The following PCLO variants were observed in gnomAD, a reference collection of about 807,000 sequenced individuals.
PCLO encodes the protein protein piccolo.
Under a neutral mutation model 427.5 loss-of-function variants are expected in PCLO, and 82 were observed. The observed-to-expected ratio is 0.19, with a 90% CI of 0.16 to 0.23. The LOEUF is 0.23. PCLO is among the 10% of genes least tolerant of loss of function. The probability of loss-of-function intolerance (pLI) is 1.00; values close to 1 mark genes in which losing one functional copy is unlikely to be tolerated. For synonymous variants in PCLO, 2,357 were observed against 2,155.4 expected (o/e 1.09, Z -2.59); for missense variants, 6,239 against 6,115.9 (o/e 1.02, Z -0.67).
intron 10 of PCLO, among the ~76,000 whole-genome samples, chr7:82,874,246 T>C (rs114448963): frequency 0.012 from 1,753 of 151,808 alleles, 39 homozygotes; most frequent in African/African-American, 0.039. Context: ...CTGGACACAG[T>C]ATAAAGGAAA....
chr7:82,939,966 A>T (rs1338738754), intron 6 of PCLO, among the ~76,000 whole-genome samples: 1 of 152,084 alleles, frequency 6.6e-6, no homozygotes, highest in African/African-American at 2.4e-5. Context: ...AGGACAAGAA[A>T]TACTTTATGC....
At position 83,162,408 on chromosome 7, in the gene PCLO, C is replaced by A; in HGVS notation, c.185G>T (p.Arg62Met). ...GCTTCCCTTGGGCAGCCCCTGCGCC[C>A]TTGACATGACAGCGGCGATCTGTCT... ...ERRQIAAVMS[R>M]AQGLPKGSVP... The change falls in exon 1 of 25, where the codon AGG becomes ATG. Residue 62 changes from arginine to methionine, a missense_variant. By Grantham distance (91) the Arg-to-Met change is moderately conservative. Around this residue, in one of 5 missense-constraint regions of PCLO, gnomAD observed 4,677 missense variants for 4,468.4 expected, o/e 1.05. Coordinates refer to ENST00000333891, the MANE Select transcript of PCLO (RefSeq NM_033026.6). 6.3e-7 allele frequency: 1 copy of A among 1,598,478 alleles called. No homozygotes were observed. The highest frequency in any genetic ancestry group is 1.1e-5 in the South Asian group (1 of 88,340).
rs1321519169 is a variant in PCLO, at chr7:82,950,976, G to C, written c.9612C>G (p.Val3204=). 1.2e-6 allele frequency: 2 copies of C among 1,613,492 alleles called. No individual in the cohort carries two copies. The highest frequency in any genetic ancestry group is 1.7e-6 in the Non-Finnish European group (2 of 1,179,866). The change falls in exon 6 of 25, where the codon GTC becomes GTG. Residue 3204 remains valine (V), a synonymous_variant. Transcript: ENST00000333891. ...VVGDESALLI[V]PEEDKQQQQL... Reference sequence around the variant, plus strand: ...GCTGCTGTTGTTTATCTTCTTCAGGGACAATTAAAAGAGCACTTTCATCTC... The same window carrying C: ...GCTGCTGTTGTTTATCTTCTTCAGGCACAATTAAAAGAGCACTTTCATCTC...
At chr7:83,157,302 GATT>G (rs1792326268) in intron 1 of PCLO, among the ~76,000 whole-genome samples, 2 of 152,024 alleles carry the variant, frequency 1.3e-5, no homozygotes, top group Admixed American at 6.6e-5. Flanking sequence ...AAAAATAACT[GATT>G]ATTAACCCAA....
chr7:83,034,963 C>T (rs1306867785), intron 3 of PCLO, among the ~76,000 whole-genome samples: 1 of 152,308 alleles, frequency 6.6e-6, no homozygotes, highest in African/African-American at 2.4e-5. Context: ...TCCAACTGGT[C>T]TCTGTCAGTC....
chr7:82,850,479 A>G (rs189859048), intron 10 of PCLO, among the ~76,000 whole-genome samples: 1 of 152,278 alleles, frequency 6.6e-6, no homozygotes, highest in Non-Finnish European at 1.5e-5. Flanking sequence ...TATCAAATAT[A>G]TGTTTTCATA....
chr7:82,888,074 CAA>C (rs1211730196), intron 9 of PCLO, among the ~76,000 whole-genome samples: 1 of 122,798 alleles, frequency 8.1e-6, no homozygotes. Context: ...CACCTCAAAA[CAA>C]AAAAAAAAAG....
At chr7:83,020,014 A>G (rs1207807633) in intron 3 of PCLO, among the ~76,000 whole-genome samples, 2 of 152,152 alleles carry the variant, frequency 1.3e-5, no homozygotes, top group African/African-American at 2.4e-5. Context: ...GAAGAAGAAT[A>G]TAATAGTCTT....
intron 3 of PCLO, among the ~76,000 whole-genome samples, chr7:82,984,684 C>T (rs1018434717): frequency 2.0e-5 from 3 of 151,964 alleles, no homozygotes; most frequent in Non-Finnish European, 4.4e-5. Context: ...CCTTTGCTCA[C>T]TTAGCTAACA....
intron 2 of PCLO, among the ~76,000 whole-genome samples, chr7:83,140,098 C>T (rs1441418390): frequency 6.6e-6 from 1 of 152,184 alleles, no homozygotes; most frequent in African/African-American, 2.4e-5. Flanking sequence ...TCTTTCACAG[C>T]GCACTTAGGG....
At chr7:83,042,143 T>A (rs1788987998) in intron 3 of PCLO, among the ~76,000 whole-genome samples, 1 of 152,140 alleles carries the variant, frequency 6.6e-6, no homozygotes, top group African/African-American at 2.4e-5. Context: ...ACAAGGTTAA[T>A]AATATTATTT....
intron 3 of PCLO, among the ~76,000 whole-genome samples, chr7:83,095,698 A>T (rs1369777782): frequency 1.3e-5 from 2 of 151,960 alleles, no homozygotes; most frequent in East Asian, 3.9e-4. Context: ...ATTATTTGGA[A>T]GTATGCAGTT....
chr7:82,995,257 G>A (rs543171717), intron 3 of PCLO, among the ~76,000 whole-genome samples: 1 of 152,054 alleles, frequency 6.6e-6, no homozygotes, highest in Admixed American at 6.6e-5. Context: ...GTCCAGTACT[G>A]GATGCTGAGG....
At chr7:82,962,908 T>A (rs1263605165) in intron 4 of PCLO, among the ~76,000 whole-genome samples, 1 of 152,000 alleles carries the variant, frequency 6.6e-6, no homozygotes, top group Non-Finnish European at 1.5e-5. Context: ...AGACAGAGAA[T>A]ATGACATTAT....
At chr7:83,057,167 TC>T (rs1789401054) in intron 3 of PCLO, among the ~76,000 whole-genome samples, 1 of 149,420 alleles carries the variant, frequency 6.7e-6, no homozygotes, top group Admixed American at 6.7e-5. Context: ...CACTGCTACC[TC>T]CGCCTCCCGG....
chr7:83,009,181 G>C (rs2115977947), intron 3 of PCLO, among the ~76,000 whole-genome samples: 1 of 151,854 alleles, frequency 6.6e-6, no homozygotes, highest in Non-Finnish European at 1.5e-5. Flanking sequence ...TCCCTGACTA[G>C]CAAGCAATGG....
In PCLO at chr7:82,977,395, T is replaced by TA. The variant is rs199662334; in HGVS notation, c.3301-10909dup. 5.3e-3 allele frequency among the ~76,000 whole-genome samples: 787 copies of TA among 148,372 alleles called. 7 individuals are homozygous for TA. Among genetic ancestry groups the TA allele is most frequent in the African/African-American group, 0.018 (729 of 40,628 alleles). On this transcript the variant is annotated intron_variant, in intron 3 of 24. Transcript: ENST00000333891. The stretch of plus-strand genomic sequence containing the variant: ...AATTCATCTTTTTTATTTATTTATT[T>TA]ATTTATTTATTTATTTATTTATTTA...
chr7:83,058,813 C>A (rs918510705), intron 3 of PCLO, among the ~76,000 whole-genome samples: 3 of 152,026 alleles, frequency 2.0e-5, no homozygotes, highest in Non-Finnish European at 4.4e-5. Flanking sequence ...GTTACCTCCA[C>A]GCAGGAAGCA....
chr7:83,048,894 G>T (rs1789166766), intron 3 of PCLO, among the ~76,000 whole-genome samples: 1 of 152,078 alleles, frequency 6.6e-6, no homozygotes. Context: ...TATTTAACAT[G>T]CACTTTACCT....
Sources: allele counts gnomAD v4.1 joint callset (sites outside exome capture counted in the v4.1 genomes callset), GRCh38; gene constraint gnomAD v4.1.1; regional missense constraint gnomAD v4.1.1; transcripts MANE v1.5; gene names NCBI Gene and HGNC (gene_info 2026-07-23, HGNC 2026-07-21).